WDR76: variants seen among roughly 807,000 people sequenced by gnomAD.
WDR76 encodes the protein WD repeat domain 76.
WDR76 carries 52 observed loss-of-function variants against 70.2 expected under a neutral mutation model. The observed-to-expected ratio is 0.74, with a 90% confidence interval of 0.59 to 0.93. WDR76 has a LOEUF of 0.93. Among genes scored for constraint, WDR76 ranks in the 40% least tolerant of loss-of-function variants. WDR76 has a pLI of 0.00. For synonymous variants in WDR76, 292 were observed against 271.1 expected, an observed-to-expected ratio of 1.08 and a Z score of -0.76; for missense variants, 756 against 760.2, an observed-to-expected ratio of 0.99 and a Z score of 0.07.
intron 2 of WDR76, among the ~76,000 whole-genome samples, chr15:43,834,467 A>ATTTTTT (rs34962536): frequency 1.5e-5 from 2 of 137,058 alleles, no homozygotes; most frequent in African/African-American, 2.7e-5. Context: ...TACCTGGCTA[A>ATTTTTT]TTTTTTTTTT....
intron 12 of WDR76, 30 bp downstream of exon 12, chr15:43,861,416 T>C: frequency 6.3e-6 from 10 of 1,580,350 alleles, no homozygotes; most frequent in Non-Finnish European, 8.7e-6. Flanking sequence ...ATAATGTAGA[T>C]GTGGATTACT....
chr15:43,839,611 G>A lies in WDR76; in HGVS notation c.615G>A (p.Lys205=), dbSNP rs61752558. ...KRQPPKSKRK[K]PKRENGIGCR... is the part of the protein sequence containing the mutation. ...TTTTTCCCCACTCCTTTAGAAAGAA[G>A]CCTAAGAGAGAAAATGGGATTGGAT... Residue 205 remains lysine (K), a synonymous_variant, in exon 5 of 13, where the codon AAG becomes AAA. Coordinates refer to ENST00000263795, the MANE Select transcript of WDR76 (RefSeq NM_024908.4). The A allele has an allele frequency of 1.2e-6, 2 of 1,610,128 alleles. No homozygotes were observed. The highest frequency in any genetic ancestry group is 1.1e-5 in the South Asian group (1 of 90,128).
intron 4 of WDR76, among the ~76,000 whole-genome samples, chr15:43,837,835 A>G (rs1177763696): frequency 6.6e-6 from 1 of 150,592 alleles, no homozygotes; most frequent in Non-Finnish European, 1.5e-5. Context: ...TACAACCACT[A>G]TGCTGAATTT....
chr15:43,859,750 G>A (rs16977798), intron 11 of WDR76, among the ~76,000 whole-genome samples: 23,938 of 152,092 alleles, frequency 0.16, 2,499 homozygotes, highest in African/African-American at 0.29. Flanking sequence ...GTTCCTGTTC[G>A]TTTACACTGC....
At chr15:43,849,033 A>G (rs552268754) in intron 8 of WDR76, among the ~76,000 whole-genome samples, 7 of 150,700 alleles carry the variant, frequency 4.6e-5, no homozygotes, top group Non-Finnish European at 8.9e-5. Flanking sequence ...AAATTAGCCA[A>G]GCATGGTGGT....
Position 43,850,997 on chromosome 15 carries a change from G to A in WDR76, c.1033-90G>A, listed in dbSNP as rs2087850600. The stretch of plus-strand genomic sequence containing the variant: ...AAGAAAAGACTGAATATAATCCAGT[G>A]TAAATTCTTTAATGACATAATAGCA... On this transcript the variant is annotated intron_variant, in intron 8 of 12. Coordinates refer to ENST00000263795, the MANE Select transcript of WDR76 (RefSeq NM_024908.4). 2.7e-6 allele frequency: 4 copies of A among 1,482,886 alleles called. No individual in the cohort carries two copies. In the African/African-American group the frequency reaches 4.2e-5, roughly 16 times the overall value. The allele number at this position is 1,482,886 out of a possible 1,614,324, so 91.9% of individuals were successfully genotyped here.
intron 11 of WDR76, among the ~76,000 whole-genome samples, chr15:43,859,520 T>G (rs550069074): frequency 1.3e-5 from 2 of 152,250 alleles, no homozygotes; most frequent in Non-Finnish European, 2.9e-5. Context: ...TTCAGTTGAA[T>G]GTATACTGTT....
chr15:43,851,368 C>T, intron 9 of WDR76, 123 bp downstream of exon 9: 1 of 1,328,516 alleles, frequency 7.5e-7, no homozygotes, highest in Middle Eastern at 2.0e-4. Context: ...GAGAACTACG[C>T]TGCCTAAGTT....
chr15:43,853,264 C>G (rs919540317), intron 9 of WDR76, among the ~76,000 whole-genome samples: 3 of 152,082 alleles, frequency 2.0e-5, no homozygotes, highest in African/African-American at 7.2e-5. Flanking sequence ...GATCTCGGCT[C>G]ACCGCAGCCT....
At chr15:43,849,003 C>T (rs1053277770) in intron 8 of WDR76, among the ~76,000 whole-genome samples, 1 of 149,998 alleles carries the variant, frequency 6.7e-6, no homozygotes, top group Non-Finnish European at 1.5e-5. Flanking sequence ...GGTGAAACCC[C>T]GTCTCCACTA....
intron 5 of WDR76, 125 bp downstream of exon 5, chr15:43,839,853 G>A: frequency 8.3e-7 from 1 of 1,208,256 alleles, no homozygotes; most frequent in Non-Finnish European, 1.1e-6. Flanking sequence ...CTTGAATGTT[G>A]TATGGTTTTG....
At chr15:43,842,786 CTG>C (rs913441376) in intron 7 of WDR76, 115 bp downstream of exon 7, 7 of 982,930 alleles carry the variant, frequency 7.1e-6, no homozygotes, top group Non-Finnish European at 1.0e-5. Flanking sequence ...ACCCTAACAA[CTG>C]TTGTTTTTGT....
Position 43,843,884 on chromosome 15 carries a change from C to A in WDR76, c.879-17C>A. 6.5e-7 allele frequency: 1 copy of A among 1,536,282 alleles called. No homozygotes were observed. Among genetic ancestry groups the A allele is most frequent in the Non-Finnish European group, 8.8e-7 (1 of 1,140,174 alleles). On this transcript the variant is annotated splice_polypyrimidine_tract_variant and intron_variant, in intron 7 of 12. Coordinates refer to ENST00000263795, the MANE Select transcript of WDR76 (RefSeq NM_024908.4). ...GATTGGTTTTACTTACAAAATTTAA[C>A]TTTGTAATTTTCTTAGCTACAAAGC...
intron 2 of WDR76, among the ~76,000 whole-genome samples, chr15:43,834,564 G>A (rs962867494): frequency 2.0e-5 from 3 of 150,510 alleles, no homozygotes; most frequent in Admixed American, 6.7e-5. Context: ...TGCCCACTTC[G>A]GCCTCCCAAA....
chr15:43,866,622 CTTTTTTTT>C lies in WDR76; in HGVS notation c.*244_*251del. Reference sequence around the variant, plus strand: ...AGGGGAGGCTGAGGTGCCGTCAGGACTTTTTTTTTTTTTTTTTTTTTGAGATGGAGTTT... The same window carrying C: ...AGGGGAGGCTGAGGTGCCGTCAGGACTTTTTTTTTTTTTGAGATGGAGTTT... On this transcript the variant is annotated 3_prime_UTR_variant, in exon 13 of 13. Transcript: ENST00000263795. The C allele has an allele frequency of 1.6e-5, 2 of 124,386 alleles. No individual in the cohort carries two copies. The highest frequency in any genetic ancestry group is 1.1e-4 in the Admixed American group (1 of 9,218). 7.7% of individuals were successfully genotyped at this position (124,386 alleles called of 1,614,324 possible).
chr15:43,844,123 A>C (rs1193766946), intron 8 of WDR76, 69 bp downstream of exon 8: 4 of 1,430,144 alleles, frequency 2.8e-6, no homozygotes, highest in Non-Finnish European at 2.8e-6. Flanking sequence ...AGAATAGGCT[A>C]GAGCCATGTG....
At chr15:43,866,062 C>A (rs2088066077) in intron 12 of WDR76, 66 bp from the exon 13 acceptor site, 1 of 1,566,918 alleles carries the variant, frequency 6.4e-7, no homozygotes, top group Non-Finnish European at 8.7e-7. Flanking sequence ...GCCGTCTTTA[C>A]CCTCTGCCCA....
Position 43,835,105 on chromosome 15 carries a change from C to T in WDR76, c.507C>T (p.Asn169=). 1 of 1,614,090 alleles carries T rather than the reference C, an allele frequency of 6.2e-7. No individual in the cohort carries two copies. Among genetic ancestry groups the T allele is most frequent in the South Asian group, 1.1e-5 (1 of 91,074 alleles). ...CCTACGAAAGGAAGAGACTGAAGAA[C>T]ATATCAGAAAACGCAGACTTTTTTG... ...LSPYERKRLK[N]ISENADFFAS... is the part of the protein sequence containing the mutation. Residue 169 remains asparagine, a synonymous_variant, in exon 3 of 13, where the codon AAC becomes AAT. Coordinates refer to ENST00000263795, the MANE Select transcript of WDR76 (RefSeq NM_024908.4).
At chr15:43,841,203 T>G (rs2628031) in intron 5 of WDR76, among the ~76,000 whole-genome samples, 3 of 104,792 alleles carry the variant, frequency 2.9e-5, no homozygotes, top group Non-Finnish European at 5.5e-5. Flanking sequence ...GTTTTTTTGT[T>G]TTTTTTTTTT....
Sources: allele counts gnomAD v4.1 joint callset (sites outside exome capture counted in the v4.1 genomes callset), GRCh38; gene constraint gnomAD v4.1.1; transcripts MANE v1.5; gene names NCBI Gene and HGNC (gene_info 2026-07-23, HGNC 2026-07-21).